The following MCF2L2 variants were observed in gnomAD, a reference collection of about 807,000 sequenced individuals.
MCF2L2 encodes MCF.2 cell line derived transforming sequence-like 2.
A neutral mutation model predicts 150.2 loss-of-function variants in MCF2L2; 102 were observed. The observed-to-expected ratio is 0.68, with a 90% confidence interval of 0.58 to 0.80. The LOEUF is 0.80. MCF2L2 is among the 30% of genes least tolerant of loss of function. MCF2L2 has a pLI of 0.00. For missense variants in MCF2L2, 1,256 were observed against 1,372.8 expected (o/e 0.91, Z 1.34); for synonymous variants, 465 against 491.3 (o/e 0.95, Z 0.71).
At chr3:183,290,293 C>T (rs1260351052) in intron 13 of MCF2L2, among the ~76,000 whole-genome samples, 1 of 152,194 alleles carries the variant, frequency 6.6e-6, no homozygotes, top group African/African-American at 2.4e-5. Context: ...TGGGAAATAT[C>T]CTTTCTTCAA....
At chr3:183,195,163 T>TCAG in intron 26 of MCF2L2, 59 bp downstream of exon 26, 1 of 1,301,568 alleles carries the variant, frequency 7.7e-7, no homozygotes, top group Admixed American at 2.2e-5. Context: ...TGACATGGAC[T>TCAG]CAATATGAAA....
intron 15 of MCF2L2, among the ~76,000 whole-genome samples, chr3:183,246,416 CT>C (rs1173973703): frequency 6.6e-6 from 1 of 152,174 alleles, no homozygotes; most frequent in African/African-American, 2.4e-5. Flanking sequence ...TTCTAGGTGT[CT>C]CATATAAGTG....
In MCF2L2 at chr3:183,290,536, TC is replaced by T. The variant is rs200682999; in HGVS notation, c.1676-1317del. ...GGCAGGATTTGAGCATTTCTTTCTT[TC>T]TTTCTTTTTTTTTTTGAGACAGAGT... On this transcript the variant is annotated intron_variant, in intron 13 of 29. Coordinates refer to ENST00000328913, the MANE Select transcript of MCF2L2 (RefSeq NM_015078.4). Among the ~76,000 whole-genome samples, 90 of 151,474 alleles carry T rather than the reference TC, an allele frequency of 5.9e-4. 1 individual carries two copies. Among genetic ancestry groups the T allele is most frequent in the African/African-American group, 2.0e-3 (82 of 40,942 alleles).
In MCF2L2 at chr3:183,326,589, T is replaced by C. The variant is rs1238215436; in HGVS notation, c.487-3238A>G. Among the ~76,000 whole-genome samples the C allele has an allele frequency of 4.0e-5, 6 of 150,820 alleles. No individual in the cohort carries two copies. In the Middle Eastern group the frequency reaches 0.01, roughly 264 times the overall value. ...TCACAAGAAGTTGCAAAGATAATTA[T>C]AGTTTCATAGGAAGTTACAAAGGCA... On this transcript the variant is annotated intron_variant, in intron 5 of 29. Transcript: ENST00000328913.
chr3:183,231,508 G>A (rs1465619169), intron 15 of MCF2L2, among the ~76,000 whole-genome samples: 3 of 151,976 alleles, frequency 2.0e-5, no homozygotes, highest in African/African-American at 7.2e-5. Flanking sequence ...AGGAATGAGT[G>A]CAGTGGCATG....
Position 183,279,661 on chromosome 3 carries a change from A to ATGGTCAT in MCF2L2, c.1777-2711_1777-2705dup, listed in dbSNP as rs547521730. Among the ~76,000 whole-genome samples the ATGGTCAT allele has an allele frequency of 2.5e-3, 374 of 152,246 alleles. 1 individual carries two copies. The highest frequency in any genetic ancestry group is 7.6e-3 in the African/African-American group (315 of 41,546). On this transcript the variant is annotated intron_variant, in intron 14 of 29. Transcript: ENST00000328913. ...CAGGCGGAACAGCCCCTCTCCCCTT[A>ATGGTCAT]TGGTCATTTTATCCTGAAGAAAAAG...
Position 183,199,089 on chromosome 3 carries a change from A to G in MCF2L2, c.2885-3834T>C, listed in dbSNP as rs186628727. Among the ~76,000 whole-genome samples the G allele has an allele frequency of 1.2e-3, 178 of 152,260 alleles. 2 individuals are homozygous for G. In the East Asian group the frequency reaches 0.029, roughly 24 times the overall value. ...ACTTATGTTGCTTGGTTTTTGTGAC[A>G]GAAAACTGATGTGGTGGCTTTCCAG... On this transcript the variant is annotated intron_variant, in intron 25 of 29. Coordinates refer to ENST00000328913, the MANE Select transcript of MCF2L2 (RefSeq NM_015078.4).
intron 3 of MCF2L2, among the ~76,000 whole-genome samples, chr3:183,359,948 G>A (rs1344987141): frequency 6.6e-6 from 1 of 152,164 alleles, no homozygotes; most frequent in Non-Finnish European, 1.5e-5. Context: ...TCACGAAGCT[G>A]GAAAACGTGG....
chr3:183,294,633 A>ATATATTT (rs1553776075), intron 13 of MCF2L2, among the ~76,000 whole-genome samples: 2 of 129,860 alleles, frequency 1.5e-5, no homozygotes, highest in Non-Finnish European at 3.2e-5. Context: ...ATATATATAT[A>ATATATTT]TTTTTTTTTT....
In MCF2L2 at chr3:183,270,941, C is replaced by T. The variant is rs753690544; in HGVS notation, c.1862+5931G>A. The T allele has an allele frequency of 3.9e-6, 6 of 1,548,292 alleles. No individual in the cohort carries two copies. In the Admixed American group the frequency reaches 8.4e-5, roughly 22 times the overall value. On this transcript the variant is annotated intron_variant, in intron 15 of 29. Transcript: ENST00000328913. This position sits in a 1 kb window ranked among gnomAD's most constrained non-coding sequence, Gnocchi z 4.5. ...GTAGGGCTGCGTTTATCTAATAGTA[C>T]TTGAATGTTGTATGTTTTCACTGTC...
chr3:183,212,956 T>TGGGGGGGGGGGGGGGGGGGGGGGGG (rs1173392435), intron 22 of MCF2L2, among the ~76,000 whole-genome samples: 1 of 3,872 alleles, frequency 2.6e-4, no homozygotes, highest in African/African-American at 7.8e-4. Context: ...TGTGGGGGGG[T>TGGGGGGGGGGGGGGGGGGGGGGGGG]GGGGGGGGTG....
At chr3:183,321,571 T>A (rs1300586904) in intron 6 of MCF2L2, among the ~76,000 whole-genome samples, 1 of 152,214 alleles carries the variant, frequency 6.6e-6, no homozygotes, top group Non-Finnish European at 1.5e-5. Context: ...AAAATGGTGC[T>A]GATAGACTTG....
intron 15 of MCF2L2, among the ~76,000 whole-genome samples, chr3:183,242,548 C>T (rs1014124234): frequency 2.0e-5 from 3 of 152,212 alleles, no homozygotes; most frequent in Admixed American, 6.5e-5. Context: ...GTGGCTTACA[C>T]GTAGTGTTGG....
At chr3:183,203,361 C>T (rs963921914) in intron 25 of MCF2L2, among the ~76,000 whole-genome samples, 3 of 152,128 alleles carry the variant, frequency 2.0e-5, no homozygotes, top group Non-Finnish European at 4.4e-5. Flanking sequence ...AAGAACAAAT[C>T]CTCATTAAAT....
intron 1 of MCF2L2, among the ~76,000 whole-genome samples, chr3:183,425,080 CACAGAGAG>C (rs112178984): frequency 0.084 from 12,743 of 151,838 alleles, 554 homozygotes; most frequent in African/African-American, 0.094. Flanking sequence ...CAGAGGCAGA[CACAGAGAG>C]ACAGGAGGTT....
At chr3:183,229,840 A>C (rs751701043) in intron 16 of MCF2L2, 59 bp from the exon 17 acceptor site, 27 of 705,224 alleles carry the variant, frequency 3.8e-5, no homozygotes, top group Middle Eastern at 2.5e-4. Flanking sequence ...GATCATCTGA[A>C]TTAGCTACTG....
chr3:183,309,692 A>G (rs1729271892), intron 10 of MCF2L2, 24 bp downstream of exon 10: 11 of 1,613,914 alleles, frequency 6.8e-6, no homozygotes, highest in Non-Finnish European at 9.3e-6. Flanking sequence ...CCCTCCCAGT[A>G]CACAAAAATG....
At chr3:183,263,371 C>T (rs10049125) in intron 15 of MCF2L2, among the ~76,000 whole-genome samples, 44,675 of 151,964 alleles carry the variant, frequency 0.29, 8,389 homozygotes, top group East Asian at 0.53. Flanking sequence ...TCTTTAGACC[C>T]TCCTGTAGCA....
intron 3 of MCF2L2, among the ~76,000 whole-genome samples, chr3:183,351,193 T>A (rs1215765974): frequency 4.7e-5 from 1 of 21,098 alleles, no homozygotes; most frequent in Non-Finnish European, 8.6e-5. Context: ...TTCTTAAGTA[T>A]ATATATATAT....
Sources: gnomAD v4.1 joint callset for allele counts (sites outside exome capture counted in the v4.1 genomes callset) on GRCh38, gnomAD v4.1.1 for gene constraint, Gnocchi (gnomAD v3.1) non-coding constraint, MANE v1.5 for transcripts, NCBI Gene and HGNC (gene_info 2026-07-23, HGNC 2026-07-21) for gene names.